SMTN: variants seen among roughly 807,000 people sequenced by gnomAD.
SMTN encodes the protein smoothelin.
In SMTN, 58 loss-of-function variants were observed where a neutral mutation model predicts 102.0. The observed-to-expected ratio is 0.57, with a 90% CI of 0.46 to 0.71. The LOEUF (loss-of-function observed/expected upper bound fraction) is 0.71, where lower values mean the gene tolerates loss of function less well. Among genes scored for constraint, SMTN ranks in the 30% least tolerant of loss-of-function variants. The probability of loss-of-function intolerance (pLI) is 0.00; values close to 1 mark genes in which losing one functional copy is unlikely to be tolerated. For synonymous variants in SMTN, 478 were observed against 497.9 expected (o/e 0.96, Z 0.53); for missense variants, 1,185 against 1,241.7 (o/e 0.95, Z 0.69).
chr22:31,090,137 T>G lies in SMTN; in HGVS notation c.822T>G (p.Ala274=). The G allele has an allele frequency of 1.2e-6, 2 of 1,612,790 alleles. No homozygotes were observed. The highest frequency in any genetic ancestry group is 1.7e-6 in the Non-Finnish European group (2 of 1,179,342). ...TGTCTGGCCCCAAAGAGACCCCTGC[T>G]GCCCAGAGCCCCACCAGAGGCCCCT... ...KLLSGPKETP[A]AQSPTRGPSD... Residue 274 remains alanine, a synonymous_variant, in exon 8 of 21, where the codon GCT becomes GCG. Coordinates refer to ENST00000333137, the MANE Select transcript of SMTN (RefSeq NM_134269.3).
At chr22:31,069,220 C>G (rs1161334902) in intron 1 of SMTN, among the ~76,000 whole-genome samples, 1 of 152,040 alleles carries the variant, frequency 6.6e-6, no homozygotes, top group African/African-American at 2.4e-5. Context: ...CTTATTGGTC[C>G]TTGGTGGTAA....
intron 20 of SMTN, chr22:31,101,551 C>G (rs1250778327): frequency 6.4e-6 from 1 of 156,386 alleles, no homozygotes; most frequent in Non-Finnish European, 1.4e-5. Flanking sequence ...CTTTGGGAGG[C>G]CAAGGTGGGC....
chr22:31,077,224 A>G (rs1402292957), upstream of SMTN, among the ~76,000 whole-genome samples: 1 of 152,134 alleles, frequency 6.6e-6, no homozygotes, highest in African/African-American at 2.4e-5. Flanking sequence ...CCCCGGCAAC[A>G]TAGGGAGACC....
chr22:31,066,980 T>G (rs1375329905), intron 1 of SMTN: 1 of 152,040 alleles, frequency 6.6e-6, no homozygotes, highest in Non-Finnish European at 1.5e-5. Context: ...GCTCTCGAAC[T>G]CCTAAGCTCA....
At position 31,091,177 on chromosome 22, in the gene SMTN, G is replaced by T. The variant is rs2043103352; in HGVS notation, c.1154G>T (p.Gly385Val). Residue 385 changes from glycine to valine, a missense_variant, in exon 10 of 21, where the codon GGC becomes GTC. Physicochemically the swap from Gly to Val is moderately radical, Grantham distance 109. Coordinates refer to ENST00000333137, the MANE Select transcript of SMTN (RefSeq NM_134269.3). ...TCCTCCAGCGGCTCCTCCTCTCGGG[G>T]CCCCAGTGATACCTCCTCCCGGTTC... ...ASSSSGSSSR[G>V]PSDTSSRFSK... The T allele has an allele frequency of 6.2e-7, 1 of 1,613,384 alleles. No homozygotes were observed. The highest frequency in any genetic ancestry group is 1.3e-5 in the African/African-American group (1 of 74,888).
chr22:31,098,697 A>G lies in SMTN; in HGVS notation c.2190A>G (p.Pro730=). 3 of 1,613,466 alleles carry G rather than the reference A, an allele frequency of 1.9e-6. No homozygotes were observed. Among genetic ancestry groups the G allele is most frequent in the Non-Finnish European group, 2.5e-6 (3 of 1,179,896 alleles). ...TCGACCGCGAGGACCAGGCCAGCCC[A>G]CGGGCCGGCAGCCTGGCGGCGCTCG... ...SIFDREDQAS[P]RAGSLAALEK... Residue 730 remains proline, a synonymous_variant, in exon 17 of 21, where the codon CCA becomes CCG. Coordinates refer to ENST00000333137, the MANE Select transcript of SMTN (RefSeq NM_134269.3).
intron 20 of SMTN, 34 bp from the exon 21 acceptor site, chr22:31,104,282 C>A: frequency 6.2e-7 from 1 of 1,605,172 alleles, no homozygotes. Flanking sequence ...GCGGGTCTGG[C>A]GCTGACATCC....
In SMTN at chr22:31,096,759, C is replaced by T. The variant is rs138188475; in HGVS notation, c.1888C>T (p.Arg630Trp). ...CCAGCGGGACAAGGAGCGGGAACGG[C>T]GGCTGCAGGAGGCACGGGGCCGGCC... ...RDQRDKERER[R>W]LQEARGRPGE... Residue 630 changes from arginine to tryptophan, a missense_variant, in exon 14 of 21, where the codon CGG becomes TGG. Physicochemically the swap from Arg to Trp is moderately radical, Grantham distance 101 (BLOSUM62 -3). Coordinates refer to ENST00000333137, the MANE Select transcript of SMTN (RefSeq NM_134269.3). 2.0e-5 allele frequency: 31 copies of T among 1,554,534 alleles called. No homozygotes were observed. The Middle Eastern group carries it at 8.6e-4, about 43-fold the overall frequency.
upstream of SMTN, among the ~76,000 whole-genome samples, chr22:31,079,166 G>T (rs2042200039): frequency 6.6e-6 from 1 of 152,252 alleles, no homozygotes; most frequent in Non-Finnish European, 1.5e-5. Flanking sequence ...TTCAGCAAAT[G>T]CTGGGGCCCT....
intron 9 of SMTN, 26 bp downstream of exon 9, chr22:31,090,905 G>C: frequency 6.2e-7 from 1 of 1,613,902 alleles, no homozygotes; most frequent in Non-Finnish European, 8.5e-7. Flanking sequence ...ACCCTGCCTA[G>C]GATCTGTGCA....
intron 20 of SMTN, chr22:31,104,103 C>T: frequency 1.7e-6 from 1 of 582,196 alleles, no homozygotes. Context: ...TCTCCGCCTC[C>T]ACCTGCCTAG....
rs146356228 is a variant in SMTN at position 31,099,597 on chromosome 22, G to A, written c.2452-148G>A. 7.9e-5 allele frequency: 63 copies of A among 801,972 alleles called. No homozygotes were observed. In the African/African-American group the frequency reaches 8.5e-4, roughly 11 times the overall value. The allele number at this position is 801,972 out of a possible 1,614,324, so 49.7% of individuals were successfully genotyped here. On this transcript the variant is annotated intron_variant, in intron 18 of 20. Transcript: ENST00000333137. ...GGAGTTGACAGGCTGACTTGGAGGA[G>A]GCTCATGTTCCAACTATTCACTCAT...
Position 31,098,791 on chromosome 22 carries a change from C to T in SMTN, c.2284C>T (p.Gln762Ter). The T allele has an allele frequency of 6.2e-7, 1 of 1,612,938 alleles. No individual in the cohort carries two copies. The highest frequency in any genetic ancestry group is 8.5e-7 in the Non-Finnish European group (1 of 1,179,828). The stretch of plus-strand genomic sequence containing the variant: ...GAGTCTGCCCAAGACCTCAGCCTCC[C>T]AGGCGCGCAAGGCCATGATTGAGAA... ...AQSLPKTSAS[Q>*]ARKAMIEKLE... Residue 762 changes from glutamine to a stop codon, truncating the protein, a stop_gained, in exon 17 of 21, where the codon CAG (glutamine) becomes TAG (stop). Coordinates refer to ENST00000333137, the MANE Select transcript of SMTN (RefSeq NM_134269.3). LOFTEE classifies it high-confidence loss of function.
upstream of SMTN, among the ~76,000 whole-genome samples, chr22:31,079,236 G>A (rs572605670): frequency 2.0e-5 from 3 of 152,312 alleles, no homozygotes; most frequent in South Asian, 2.1e-4. Context: ...GCACTGTACC[G>A]GACTGCCCTT....
intron 2 of SMTN, 142 bp downstream of exon 2, chr22:31,083,451 G>A: frequency 9.8e-7 from 1 of 1,023,762 alleles, no homozygotes; most frequent in South Asian, 1.7e-5. Flanking sequence ...GGGTAGGCCA[G>A]TTCCATGTGG....
intron 1 of SMTN, among the ~76,000 whole-genome samples, chr22:31,074,214 T>C (rs577731727): frequency 1.3e-5 from 2 of 151,382 alleles, no homozygotes; most frequent in South Asian, 2.1e-4. Flanking sequence ...ATGGGGAAAC[T>C]CCATCTCTAT....
chr22:31,081,122 C>A (rs2042277049), upstream of SMTN, among the ~76,000 whole-genome samples: 1 of 152,014 alleles, frequency 6.6e-6, no homozygotes, highest in African/African-American at 2.4e-5. Flanking sequence ...GCCACCGAGG[C>A]AGACGACCCC....
rs757174137 is a variant in SMTN at position 31,091,514 on chromosome 22, A to G, written c.1459+32A>G. The G allele has an allele frequency of 3.3e-6, 5 of 1,516,238 alleles. No homozygotes were observed. In the South Asian group the frequency reaches 6.6e-5, roughly 20 times the overall value. The allele number at this position is 1,516,238 out of a possible 1,614,324, so 93.9% of individuals were successfully genotyped here. A position where few individuals can be genotyped will look rare whatever the true frequency, so the allele number is the denominator to read the frequency against. On this transcript the variant is annotated intron_variant, in intron 10 of 20. Coordinates refer to ENST00000333137, the MANE Select transcript of SMTN (RefSeq NM_134269.3). ...GCCCCCCACTGCCTCCCCAATGGGG[A>G]TGAGTGCCTGCAACCGCACTTCTGC...
chr22:31,097,826 C>G (rs937564784), intron 16 of SMTN, among the ~76,000 whole-genome samples: 15 of 152,120 alleles, frequency 9.9e-5, no homozygotes, highest in African/African-American at 2.9e-4. Flanking sequence ...AGTTAAGGAT[C>G]CTGCTCTCCT....
Sources: allele counts gnomAD v4.1 joint callset (sites outside exome capture counted in the v4.1 genomes callset), GRCh38; gene constraint gnomAD v4.1.1; transcripts MANE v1.5; gene names NCBI Gene and HGNC (gene_info 2026-07-23, HGNC 2026-07-21).